Variants in KCNIP1 observed in about 807,000 individuals in gnomAD.
KCNIP1 encodes the protein A-type potassium channel modulatory protein KCNIP1.
A neutral mutation model predicts 33.0 loss-of-function variants in KCNIP1; 18 were observed. The ratio of observed to expected loss-of-function variants is 0.55; its 90% CI spans 0.38 to 0.81. The LOEUF is 0.81. KCNIP1 is among the 30% of genes least tolerant of loss of function. The pLI is 0.00. For missense variants in KCNIP1, 238 were observed against 271.6 expected (o/e 0.88, Z 0.87); for synonymous variants, 93 against 98.3 (o/e 0.95, Z 0.32).
intron 1 of KCNIP1, among the ~76,000 whole-genome samples, chr5:170,450,085 T>C (rs1047406563): frequency 6.6e-6 from 1 of 152,066 alleles, no homozygotes; most frequent in East Asian, 1.9e-4. Flanking sequence ...TGCTCAGGAC[T>C]GCTCTCTTGG....
At chr5:170,644,460 G>T (rs1467930599) in intron 1 of KCNIP1, among the ~76,000 whole-genome samples, 1 of 152,196 alleles carries the variant, frequency 6.6e-6, no homozygotes, top group Non-Finnish European at 1.5e-5. Context: ...CTGGATTGAG[G>T]GGAGAAGGGG....
At position 170,607,449 on chromosome 5, in the gene KCNIP1, T is replaced by C. The variant is rs185594372; in HGVS notation, c.61+102816T>C. ...TGCTCCAAACCCAGGGCTGGGGGCC[T>C]TTCCTACTTCTACAGTGACCCTTAG... On this transcript the variant is annotated intron_variant, in intron 1 of 7. Coordinates refer to ENST00000328939, the MANE Select transcript of KCNIP1 (RefSeq NM_014592.4). Among the ~76,000 whole-genome samples, 10 of 152,268 alleles carry C rather than the reference T, an allele frequency of 6.6e-5. 1 individual carries two copies. In the East Asian group the frequency reaches 1.9e-3, roughly 29 times the overall value.
intron 1 of KCNIP1, among the ~76,000 whole-genome samples, chr5:170,396,571 G>T (rs987903667): frequency 8.5e-5 from 13 of 152,182 alleles, no homozygotes; most frequent in Non-Finnish European, 1.5e-4. Context: ...AGAAAGGCAG[G>T]ACATCTCAAA....
upstream of KCNIP1, among the ~76,000 whole-genome samples, chr5:170,500,847 A>G (rs1757396947): frequency 2.0e-5 from 3 of 152,254 alleles, no homozygotes. Flanking sequence ...ACATGAATGA[A>G]TGAATATTTG....
chr5:170,720,868 G>A (rs866147430), intron 3 of KCNIP1, among the ~76,000 whole-genome samples: 72 of 152,290 alleles, frequency 4.7e-4, no homozygotes, highest in African/African-American at 1.4e-3. Context: ...AGTAAATACC[G>A]AAGACTATAA....
At chr5:170,637,215 C>T (rs1760319940) in intron 1 of KCNIP1, among the ~76,000 whole-genome samples, 1 of 152,072 alleles carries the variant, frequency 6.6e-6, no homozygotes, top group Admixed American at 6.5e-5. Flanking sequence ...TCCCACAGGC[C>T]CAGAACCACG....
intron 1 of KCNIP1, among the ~76,000 whole-genome samples, chr5:170,515,253 G>A (rs946770059): frequency 1.3e-5 from 2 of 152,172 alleles, no homozygotes; most frequent in Non-Finnish European, 2.9e-5. Flanking sequence ...ACTACAATGA[G>A]CATTGAATCT....
chr5:170,631,925 C>T (rs568534215), intron 1 of KCNIP1, among the ~76,000 whole-genome samples: 17 of 152,366 alleles, frequency 1.1e-4, no homozygotes, highest in African/African-American at 3.8e-4. Flanking sequence ...GTCCAAATCC[C>T]GCCCCTTCAC....
At chr5:170,502,063 C>A (rs1282516996), upstream of KCNIP1, among the ~76,000 whole-genome samples, 1 of 152,222 alleles carries the variant, frequency 6.6e-6, no homozygotes, top group East Asian at 1.9e-4. Flanking sequence ...GAGACCACGA[C>A]AGAGGCCTGG....
At chr5:170,556,074 A>G (rs531132108) in intron 1 of KCNIP1, among the ~76,000 whole-genome samples, 4 of 152,192 alleles carry the variant, frequency 2.6e-5, no homozygotes, top group Non-Finnish European at 5.9e-5. Flanking sequence ...AGTGAACACA[A>G]AATATGTACG....
At chr5:170,583,132 C>T (rs1757860512) in intron 1 of KCNIP1, among the ~76,000 whole-genome samples, 1 of 152,158 alleles carries the variant, frequency 6.6e-6, no homozygotes, top group Non-Finnish European at 1.5e-5. Flanking sequence ...AGCCCATCTT[C>T]CTGACATCGC....
chr5:170,563,632 G>T (rs891878972), intron 1 of KCNIP1, among the ~76,000 whole-genome samples: 22 of 149,172 alleles, frequency 1.5e-4, no homozygotes, highest in African/African-American at 4.4e-4. Context: ...AAGGTGTTTT[G>T]TTTTTTTTTT....
At position 170,442,496 on chromosome 5, in the gene KCNIP1, G is replaced by T. The variant is rs561732485; in HGVS notation, c.88+88532G>T. Among the ~76,000 whole-genome samples the T allele has an allele frequency of 1.9e-4, 29 of 152,268 alleles. No homozygotes were observed. In the South Asian group the frequency reaches 5.8e-3, roughly 30 times the overall value. On this transcript the variant is annotated intron_variant, in intron 1 of 7. Coordinates refer to the KCNIP1 transcript ENST00000377360. ...CCCTGGGCCTTCATGTCAGGTTAAG[G>T]AGAGACAGGGCCTCGTTCTGCGTTC...
At chr5:170,631,190 G>T (rs1039867861) in intron 1 of KCNIP1, among the ~76,000 whole-genome samples, 5 of 152,164 alleles carry the variant, frequency 3.3e-5, no homozygotes, top group African/African-American at 1.2e-4. Context: ...AGTGTGTAGG[G>T]GCTGTTGTCC....
At chr5:170,495,514 T>G (rs1757293458) in intron 1 of KCNIP1, among the ~76,000 whole-genome samples, 1 of 152,202 alleles carries the variant, frequency 6.6e-6, no homozygotes, top group Admixed American at 6.5e-5. Flanking sequence ...GGCTCCACTT[T>G]GGAAAAGCCA....
intron 1 of KCNIP1, among the ~76,000 whole-genome samples, chr5:170,696,012 G>T: frequency 7.8e-6 from 1 of 128,924 alleles, no homozygotes. Context: ...GCAAGACTCT[G>T]TCTCAAAAAA....
intron 1 of KCNIP1, chr5:170,379,091 G>A: frequency 8.0e-7 from 1 of 1,255,400 alleles, no homozygotes; most frequent in Non-Finnish European, 1.1e-6. Flanking sequence ...TTGGAGTCGG[G>A]GCTTTGGTCT....
intron 5 of KCNIP1, among the ~76,000 whole-genome samples, chr5:170,725,441 T>TTC (rs1292890288): frequency 6.6e-6 from 1 of 152,214 alleles, no homozygotes; most frequent in East Asian, 1.9e-4. Flanking sequence ...ACATCCCATG[T>TTC]TCTCTCTTAT....
At chr5:170,442,910 C>G (rs1756026784) in intron 1 of KCNIP1, among the ~76,000 whole-genome samples, 1 of 152,054 alleles carries the variant, frequency 6.6e-6, no homozygotes, top group South Asian at 2.1e-4. Context: ...AAGACAATCC[C>G]AGAAAACAGG....
Sources: allele counts gnomAD v4.1 joint callset (sites outside exome capture counted in the v4.1 genomes callset), GRCh38; gene constraint gnomAD v4.1.1; transcripts MANE v1.5; gene names NCBI Gene and HGNC (gene_info 2026-07-23, HGNC 2026-07-21).